Variants in RAD23A observed in about 807,000 individuals in gnomAD.
The protein encoded by RAD23A is RAD23 nucleotide excision repair protein A.
RAD23A carries 16 observed loss-of-function variants against 44.8 expected under a neutral mutation model. That is an observed-to-expected ratio of 0.36 (90% CI 0.24 to 0.54). RAD23A has a LOEUF of 0.54. RAD23A is among the 20% of genes least tolerant of loss of function. The probability of loss-of-function intolerance (pLI) is 0.89; values close to 1 mark genes in which losing one functional copy is unlikely to be tolerated. For missense variants in RAD23A, 380 were observed against 483.3 expected, an observed-to-expected ratio of 0.79 and a Z score of 2.00; for synonymous variants, 217 against 202.9, an observed-to-expected ratio of 1.07 and a Z score of -0.59.
intron 7 of RAD23A, among the ~76,000 whole-genome samples, chr19:12,949,772 T>C (rs1416125783): frequency 3.3e-5 from 5 of 152,130 alleles, no homozygotes; most frequent in African/African-American, 1.2e-4. Context: ...TAAATGTCTG[T>C]AAGGTGGCAT....
Position 12,945,927 on chromosome 19 carries a change from G to GA in RAD23A, c.-22_-21insA, listed in dbSNP as rs1170320239. The GA allele has an allele frequency of 3.1e-6, 5 of 1,605,710 alleles. No homozygotes were observed. The African/African-American group carries it at 6.8e-5, about 22-fold the overall frequency. Reference sequence around the variant, plus strand: ...CATGTTGTGTGAGGATCCCGGGGCCGCCGCGTCGCTCGGGCCCCGCCATGG... The same window carrying GA: ...CATGTTGTGTGAGGATCCCGGGGCCGACCGCGTCGCTCGGGCCCCGCCATGG... On this transcript the variant is annotated 5_prime_UTR_variant, in exon 1 of 9. Coordinates refer to ENST00000586534, the MANE Select transcript of RAD23A (RefSeq NM_005053.4).
At position 12,948,362 on chromosome 19, in the gene RAD23A, A is replaced by G; in HGVS notation, c.416+4A>G. ...CGTCCCCAGAGTCTGTGTCAGGGTAAGGCGGGGGCAGCAGTCCCAGCTTGG... is the reference window on the plus strand; with the variant it reads ...CGTCCCCAGAGTCTGTGTCAGGGTAGGGCGGGGGCAGCAGTCCCAGCTTGG... On this transcript the variant is annotated splice_donor_region_variant and intron_variant, in intron 3 of 8. Transcript: ENST00000586534. This position sits in a 1 kb window ranked among gnomAD's most constrained non-coding sequence, Gnocchi z 5.5. 6.4e-7 allele frequency: 1 copy of G among 1,570,988 alleles called. No homozygotes were observed. The highest frequency in any genetic ancestry group is 8.6e-7 in the Non-Finnish European group (1 of 1,156,874).
intron 6 of RAD23A, 39 bp from the exon 7 acceptor site, chr19:12,949,236 C>G (rs765928659): frequency 3.1e-6 from 5 of 1,613,818 alleles, no homozygotes; most frequent in Non-Finnish European, 3.4e-6. Context: ...CTCCTAGGAG[C>G]CCGGCGTGGT....
chr19:12,953,120 A>T lies in RAD23A; in HGVS notation c.*71A>T. ...ATGAAAGTTTTATAAAAGAAAAAAT[A>T]TATATATATTCATGTTTATTTAAGA... On this transcript the variant is annotated 3_prime_UTR_variant, in exon 9 of 9. Transcript: ENST00000586534. The T allele has an allele frequency of 1.0e-6, 1 of 992,118 alleles. No homozygotes were observed. Among genetic ancestry groups the T allele is most frequent in the Non-Finnish European group, 1.5e-6 (1 of 670,584 alleles). 61.5% of individuals were successfully genotyped at this position (992,118 alleles called of 1,614,324 possible).
chr19:12,952,884 G>T, intron 8 of RAD23A, 31 bp downstream of exon 8: 1 of 1,605,408 alleles, frequency 6.2e-7, no homozygotes. Flanking sequence ...GTGACTGCAG[G>T]TGGGCAGGAC....
chr19:12,948,599 T>C lies in RAD23A; in HGVS notation c.472+47T>C. The C allele has an allele frequency of 6.4e-7, 1 of 1,573,760 alleles. No homozygotes were observed. Among genetic ancestry groups the C allele is most frequent in the South Asian group, 1.2e-5 (1 of 86,204 alleles). ...CAGAGGTGACTGGGTGCCCCAGCCA[T>C]CAGCTGGGCCTTGTCTGGGTGCGGG... On this transcript the variant is annotated intron_variant, in intron 4 of 8. Coordinates refer to ENST00000586534, the MANE Select transcript of RAD23A (RefSeq NM_005053.4). This position sits in a 1 kb window ranked among gnomAD's most constrained non-coding sequence, Gnocchi z 5.5.
intron 7 of RAD23A, chr19:12,949,622 C>G: frequency 1.7e-6 from 1 of 595,050 alleles, no homozygotes; most frequent in Non-Finnish European, 2.9e-6. Flanking sequence ...TCAACATCAC[C>G]TCCCACAGAA....
chr19:12,950,702 A>G (rs1208098902), intron 7 of RAD23A, among the ~76,000 whole-genome samples: 1 of 152,172 alleles, frequency 6.6e-6, no homozygotes, highest in African/African-American at 2.4e-5. Flanking sequence ...CACCTGGCTG[A>G]CTGAAAAGCA....
At chr19:12,947,487 G>A (rs1055440751) in intron 1 of RAD23A, among the ~76,000 whole-genome samples, 1 of 152,098 alleles carries the variant, frequency 6.6e-6, no homozygotes, top group African/African-American at 2.4e-5. Context: ...AGTGTAGAGT[G>A]GGGGACTGTC....
chr19:12,949,548 C>A, intron 7 of RAD23A, 140 bp downstream of exon 7: 1 of 1,211,226 alleles, frequency 8.3e-7, no homozygotes, highest in African/African-American at 1.5e-5. Context: ...CCTGTGCTTC[C>A]TGTGACCTGG....
intron 1 of RAD23A, 64 bp downstream of exon 1, chr19:12,946,084 G>GGGGGC: frequency 5.9e-6 from 3 of 512,144 alleles, no homozygotes; most frequent in Non-Finnish European, 1.1e-5. Context: ...TGGGGGCGGG[G>GGGGGC]AGGCTAGAAT....
intron 7 of RAD23A, among the ~76,000 whole-genome samples, chr19:12,952,061 T>TTACAGGCAC (rs910869828): frequency 1.3e-5 from 2 of 152,074 alleles, no homozygotes; most frequent in African/African-American, 4.8e-5. Context: ...GTAGATGGGA[T>TTACAGGCAC]TACAGGCACG....
At chr19:12,950,134 A>C (rs1277538296) in intron 7 of RAD23A, among the ~76,000 whole-genome samples, 2 of 152,106 alleles carry the variant, frequency 1.3e-5, no homozygotes, top group Admixed American at 6.5e-5. Flanking sequence ...GGCTGGCTTA[A>C]TTAACTCTCC....
At position 12,947,846 on chromosome 19, in the gene RAD23A, A is replaced by C; in HGVS notation, c.73-2A>C. On this transcript the variant is annotated splice_acceptor_variant, in intron 1 of 8. Transcript: ENST00000586534. LOFTEE classifies it high-confidence loss of function. ...AGTGACTGTCTGTACCACTCCCTCTAGGTGAAGGTGCTAAAGGAGAAGATA... is the reference window on the plus strand; with the variant it reads ...AGTGACTGTCTGTACCACTCCCTCTCGGTGAAGGTGCTAAAGGAGAAGATA... 1 of 1,613,346 alleles carries C rather than the reference A, an allele frequency of 6.2e-7. No individual in the cohort carries two copies. The highest frequency in any genetic ancestry group is 8.5e-7 in the Non-Finnish European group (1 of 1,179,932).
chr19:12,948,857 C>T lies in RAD23A; in HGVS notation c.600+44C>T, dbSNP rs755477697. On this transcript the variant is annotated intron_variant, in intron 5 of 8. Coordinates refer to ENST00000586534, the MANE Select transcript of RAD23A (RefSeq NM_005053.4). This position sits in a 1 kb window ranked among gnomAD's most constrained non-coding sequence, Gnocchi z 5.5. ...CTCCCGGGGAGGCCTTGAGGGAGTACCCGGGCGTCACTGCCCTGATGGGCG... is the reference window on the plus strand; with the variant it reads ...CTCCCGGGGAGGCCTTGAGGGAGTATCCGGGCGTCACTGCCCTGATGGGCG... The T allele has an allele frequency of 2.5e-6, 4 of 1,568,784 alleles. No individual in the cohort carries two copies. The highest frequency in any genetic ancestry group is 3.8e-5 in the Admixed American group (2 of 52,908).
At chr19:12,947,042 AAAAAG>A (rs1203148156) in intron 1 of RAD23A, among the ~76,000 whole-genome samples, 1 of 152,238 alleles carries the variant, frequency 6.6e-6, no homozygotes, top group African/African-American at 2.4e-5. Context: ...TCTCTACAAA[AAAAAG>A]AAACAAAAAT....
chr19:12,949,191 G>A (rs1164959231), intron 6 of RAD23A, 32 bp downstream of exon 6: 7 of 1,614,002 alleles, frequency 4.3e-6, no homozygotes, highest in Non-Finnish European at 5.9e-6. Flanking sequence ...CTGCCCTCCA[G>A]GTACCTGACT....
At position 12,948,436 on chromosome 19, in the gene RAD23A, A is replaced by G; in HGVS notation, c.417-61A>G. ...AGCGTCCACATAAGTGGTCCCACAC[A>G]CCTGGAGGGAGGGCAAGCCGCCAGA... On this transcript the variant is annotated intron_variant, in intron 3 of 8. Coordinates refer to ENST00000586534, the MANE Select transcript of RAD23A (RefSeq NM_005053.4). The surrounding 1 kb of genome is among the most constrained non-coding windows in gnomAD (Gnocchi z 5.5). 1.3e-6 allele frequency: 2 copies of G among 1,548,344 alleles called. No individual in the cohort carries two copies. Among genetic ancestry groups the G allele is most frequent in the East Asian group, 2.3e-5 (1 of 44,322 alleles).
intron 1 of RAD23A, 43 bp downstream of exon 1, chr19:12,946,063 C>T: frequency 3.4e-5 from 3 of 87,266 alleles, no homozygotes; most frequent in Non-Finnish European, 6.4e-5. Flanking sequence ...CGACGGGTTT[C>T]GGGGGTGGGG....
Sources: allele counts gnomAD v4.1 joint callset (sites outside exome capture counted in the v4.1 genomes callset), GRCh38; gene constraint gnomAD v4.1.1; non-coding constraint Gnocchi (gnomAD v3.1); transcripts MANE v1.5; gene names NCBI Gene and HGNC (gene_info 2026-07-23, HGNC 2026-07-21).